Variants in LIN7A observed in about 807,000 individuals in gnomAD.
The protein encoded by LIN7A is protein lin-7 homolog A.
LIN7A carries 25 observed loss-of-function variants against 29.8 expected under a neutral mutation model. The ratio of observed to expected loss-of-function variants is 0.84; its 90% CI spans 0.61 to 1.17. The LOEUF is 1.17. Ranked by LOEUF, LIN7A falls within the 50% of genes most tolerant of loss-of-function variation. The probability of loss-of-function intolerance (pLI) is 0.00; values close to 1 mark genes in which losing one functional copy is unlikely to be tolerated. For synonymous variants in LIN7A, 118 were observed against 107.5 expected (o/e 1.10, Z -0.60); for missense variants, 239 against 287.0 (o/e 0.83, Z 1.21).
chr12:80,811,103 C>T (rs560725726), intron 5 of LIN7A, among the ~76,000 whole-genome samples: 44 of 152,280 alleles, frequency 2.9e-4, no homozygotes, highest in Admixed American at 5.9e-4. Context: ...GGCCTGGAAT[C>T]CAGCCCACAC....
chr12:80,909,617 G>A (rs1402488341), intron 1 of LIN7A, among the ~76,000 whole-genome samples: 1 of 151,964 alleles, frequency 6.6e-6, no homozygotes, highest in Non-Finnish European at 1.5e-5. Context: ...AGCTACTTGG[G>A]ACCTTTTTTA....
chr12:80,883,528 C>A (rs1875174830), intron 2 of LIN7A, among the ~76,000 whole-genome samples: 1 of 152,044 alleles, frequency 6.6e-6, no homozygotes, highest in African/African-American at 2.4e-5. Flanking sequence ...TTATGGAAAC[C>A]ACCATGTCTC....
intron 1 of LIN7A, among the ~76,000 whole-genome samples, chr12:80,929,730 C>T (rs1160066439): frequency 6.6e-6 from 1 of 152,078 alleles, no homozygotes; most frequent in Non-Finnish European, 1.5e-5. Flanking sequence ...TATGTACACA[C>T]ACACACACAT....
At chr12:80,865,723 T>G (rs942649499) in intron 2 of LIN7A, among the ~76,000 whole-genome samples, 3 of 152,192 alleles carry the variant, frequency 2.0e-5, no homozygotes, top group Admixed American at 2.0e-4. Context: ...AGGGAAAGGA[T>G]TTAAGACATT....
chr12:80,809,170 G>A (rs896195596), intron 5 of LIN7A, among the ~76,000 whole-genome samples: 28 of 152,122 alleles, frequency 1.8e-4, no homozygotes, highest in Middle Eastern at 3.4e-3. Context: ...ATTTGACGAT[G>A]TTGGTCAGGC....
chr12:80,925,603 T>G (rs1877540812), intron 1 of LIN7A, among the ~76,000 whole-genome samples: 1 of 152,214 alleles, frequency 6.6e-6, no homozygotes, highest in Non-Finnish European at 1.5e-5. Context: ...ATTACTATTT[T>G]CCGTTTTACA....
At chr12:80,857,079 G>T (rs567253739) in intron 2 of LIN7A, among the ~76,000 whole-genome samples, 21 of 152,268 alleles carry the variant, frequency 1.4e-4, no homozygotes, top group African/African-American at 4.6e-4. Flanking sequence ...GTCTCTCAAA[G>T]GTTGGCTCTG....
chr12:80,841,036 C>T (rs747798387), intron 4 of LIN7A, among the ~76,000 whole-genome samples: 2 of 152,144 alleles, frequency 1.3e-5, no homozygotes, highest in Non-Finnish European at 2.9e-5. Flanking sequence ...CCATCTGGTG[C>T]CCCATACAAT....
intron 5 of LIN7A, among the ~76,000 whole-genome samples, chr12:80,806,105 G>C (rs911158239): frequency 6.6e-6 from 1 of 151,570 alleles, no homozygotes. Flanking sequence ...ACAAAAAATA[G>C]TGGCTTTCCC....
At chr12:80,914,239 T>C (rs1461689009) in intron 1 of LIN7A, among the ~76,000 whole-genome samples, 2 of 152,208 alleles carry the variant, frequency 1.3e-5, no homozygotes, top group African/African-American at 4.8e-5. Flanking sequence ...TGAACAGAGT[T>C]TCGTCGTCTG....
Position 80,794,879 on chromosome 12 carries a change from G to A in LIN7A, c.*2848C>T, listed in dbSNP as rs370520383. The A allele has an allele frequency of 3.3e-5, 5 of 152,128 alleles. No individual in the cohort carries two copies. The East Asian group carries it at 9.7e-4, about 29-fold the overall frequency. 9.4% of individuals were successfully genotyped at this position (152,128 alleles called of 1,614,324 possible). A position where few individuals can be genotyped will look rare whatever the true frequency, so the allele number is the denominator to read the frequency against. On this transcript the variant is annotated 3_prime_UTR_variant, in exon 6 of 6. Coordinates refer to ENST00000552864, the MANE Select transcript of LIN7A (RefSeq NM_004664.4). ...TGTAAATGCTCCAGTGAAAAGGCTT[G>A]GAAACTCTTTTACTGAACTGTGCTC...
At chr12:80,807,130 G>A (rs1333074649) in intron 5 of LIN7A, among the ~76,000 whole-genome samples, 1 of 129,544 alleles carries the variant, frequency 7.7e-6, no homozygotes, top group Non-Finnish European at 1.5e-5. Flanking sequence ...GGAGTGCAGT[G>A]GCGCGATCTT....
At chr12:80,888,619 A>G (rs568756271) in intron 2 of LIN7A, among the ~76,000 whole-genome samples, 2 of 152,262 alleles carry the variant, frequency 1.3e-5, no homozygotes, top group South Asian at 2.1e-4. Flanking sequence ...ACCAAGTAAA[A>G]CAATATAGCT....
chr12:80,828,339 T>C (rs867935427), intron 4 of LIN7A, among the ~76,000 whole-genome samples: 3 of 152,194 alleles, frequency 2.0e-5, no homozygotes, highest in Middle Eastern at 3.4e-3. Flanking sequence ...AAACTAAATG[T>C]CCATCAACAG....
chr12:80,936,884 A>G (rs1290387800), intron 1 of LIN7A: 1 of 152,154 alleles, frequency 6.6e-6, no homozygotes, highest in African/African-American at 2.4e-5. Context: ...GGTGGCACCG[A>G]GCTGGGAGAG....
chr12:80,870,414 G>A (rs555250091), intron 2 of LIN7A, among the ~76,000 whole-genome samples: 45 of 152,268 alleles, frequency 3.0e-4, no homozygotes, highest in African/African-American at 1.1e-3. Flanking sequence ...AAGAAGAAAG[G>A]TGAATTGTGC....
Position 80,811,557 on chromosome 12 carries a change from G to T in LIN7A, c.610C>A (p.Arg204=). ...EEMEARFEKL[R]TARRRQQQQL... ...TGCTGCTGCCGACGCCTGGCTGTTC[G>T]TAGCTTTTCAAAGCGAGCCTCCATT... The change falls in exon 5 of 6, where the codon CGA becomes AGA. Residue 204 remains arginine, a synonymous_variant. Transcript: ENST00000552864. 1.2e-6 allele frequency: 2 copies of T among 1,613,952 alleles called. No homozygotes were observed. Among genetic ancestry groups the T allele is most frequent in the Admixed American group, 1.7e-5 (1 of 59,988 alleles).
At chr12:80,885,914 C>T (rs1212254011) in intron 2 of LIN7A, among the ~76,000 whole-genome samples, 2 of 152,074 alleles carry the variant, frequency 1.3e-5, no homozygotes, top group African/African-American at 4.8e-5. Flanking sequence ...ACTACTGTTA[C>T]ACTTATGTAA....
chr12:80,798,726 G>A (rs138331121), intron 5 of LIN7A, among the ~76,000 whole-genome samples: 199 of 150,796 alleles, frequency 1.3e-3, no homozygotes, highest in African/African-American at 4.4e-3. Context: ...CTGAATCTTA[G>A]ATTGAATAAC....
Sources: allele counts gnomAD v4.1 joint callset (sites outside exome capture counted in the v4.1 genomes callset), GRCh38; gene constraint gnomAD v4.1.1; transcripts MANE v1.5; gene names NCBI Gene and HGNC (gene_info 2026-07-23, HGNC 2026-07-21).